RABL2A: variants seen among roughly 807,000 people sequenced by gnomAD.
RABL2A encodes rab-like protein 2A.
In RABL2A, 17 loss-of-function variants were observed where a neutral mutation model predicts 30.7. That is an observed-to-expected ratio of 0.55 (90% CI 0.38 to 0.83). RABL2A has a LOEUF of 0.83. Ranked by LOEUF, RABL2A falls within the 40% of genes least tolerant of loss-of-function variation. RABL2A has a pLI of 0.00. For synonymous variants in RABL2A, 64 were observed against 101.8 expected, an observed-to-expected ratio of 0.63 and a Z score of 2.24; for missense variants, 155 against 272.6, an observed-to-expected ratio of 0.57 and a Z score of 3.04.
At chr2:113,636,988 CA>C (rs1288796399) in intron 5 of RABL2A, among the ~76,000 whole-genome samples, 3 of 129,692 alleles carry the variant, frequency 2.3e-5, no homozygotes, top group East Asian at 2.6e-4. Context: ...GACTCTGTCT[CA>C]AAAAAAATAA....
At chr2:113,628,480 A>G in intron 1 of RABL2A, 74 bp from the exon 2 acceptor site, 5 of 1,526,670 alleles carry the variant, frequency 3.3e-6, no homozygotes, top group Non-Finnish European at 4.4e-6. Flanking sequence ...AGCAGTCTGG[A>G]TGGAGGTACA....
chr2:113,640,904 TA>T lies in RABL2A; in HGVS notation c.309del (p.Gln104ArgfsTer9). On this transcript the variant is annotated frameshift_variant, in exon 6 of 9. Transcript: ENST00000683472. LOFTEE classifies it high-confidence loss of function. ...CTCTGCCCTTTGCAGGTGTTTGATATACAGAGGAAAGTCACCTATAGGAACC... is the reference window on the plus strand; with the variant it reads ...CTCTGCCCTTTGCAGGTGTTTGATATCAGAGGAAAGTCACCTATAGGAACC... ...KAHACIMVFDIQRKVTYRNLS... is the reference protein window; with the variant it reads ...KAHACIMVFDXQRKVTYRNLS... 1 of 1,613,902 alleles carries T rather than the reference TA, an allele frequency of 6.2e-7. No individual in the cohort carries two copies. The highest frequency in any genetic ancestry group is 1.1e-5 in the South Asian group (1 of 91,070).
Position 113,642,156 on chromosome 2 carries a change from C to G in RABL2A, c.*27C>G, listed in dbSNP as rs372614558. 1.1e-5 allele frequency: 17 copies of G among 1,611,196 alleles called. No individual in the cohort carries two copies. Among genetic ancestry groups the G allele is most frequent in the Non-Finnish European group, 1.4e-5 (16 of 1,179,092 alleles). On this transcript the variant is annotated 3_prime_UTR_variant, in exon 9 of 9. Transcript: ENST00000683472. Reference sequence around the variant, plus strand: ...GGGCTGGGGCTAGGGGTGGGTGGAGCCCTTTTAAAATACCCTTCCCTTCAA... The same window carrying G: ...GGGCTGGGGCTAGGGGTGGGTGGAGGCCTTTTAAAATACCCTTCCCTTCAA...
intron 4 of RABL2A, among the ~76,000 whole-genome samples, 174 bp from the exon 5 acceptor site, chr2:113,634,877 C>T (rs1213921470): frequency 6.6e-6 from 1 of 152,210 alleles, no homozygotes; most frequent in East Asian, 1.9e-4. Context: ...ACATCACACT[C>T]AGGTGCACTG....
chr2:113,636,627 C>G (rs1366294640), intron 5 of RABL2A, among the ~76,000 whole-genome samples: 1 of 152,092 alleles, frequency 6.6e-6, no homozygotes, highest in Non-Finnish European at 1.5e-5. Flanking sequence ...CAGTGGGGAA[C>G]CAGAATCATA....
chr2:113,638,892 AAAAT>A (rs561112855), intron 5 of RABL2A, among the ~76,000 whole-genome samples: 64 of 151,614 alleles, frequency 4.2e-4, no homozygotes, highest in Admixed American at 2.0e-3. Context: ...ACTCCATCTC[AAAAT>A]AAATAAATAA....
In RABL2A at chr2:113,634,372, A is replaced by G. The variant is rs536450168; in HGVS notation, c.217+140A>G. 380 of 1,031,140 alleles carry G rather than the reference A, an allele frequency of 3.7e-4. 3 individuals are homozygous for G. In the African/African-American group the frequency reaches 5.5e-3, roughly 15 times the overall value. 63.9% of individuals were successfully genotyped at this position (1,031,140 alleles called of 1,614,324 possible). On this transcript the variant is annotated intron_variant, in intron 4 of 8. Transcript: ENST00000683472. ...GGCAGGGACAAGGGGTGCTAGAGAG[A>G]ACCCAGAGAGCCAGGAGCCAGGAGG... is the stretch of plus-strand genomic sequence containing the variant.
chr2:113,634,182 T>C lies in RABL2A; in HGVS notation c.167T>C (p.Leu56Pro), dbSNP rs867828808. 6.2e-7 allele frequency: 1 copy of C among 1,612,728 alleles called. No homozygotes were observed. The highest frequency in any genetic ancestry group is 1.7e-4 in the Middle Eastern group (1 of 6,056). ...CCACAGCAGCTGTCCACGTACGCCC[T>C]GACCCTGTACAAGCACACAGCCACG... ...FQPQQLSTYA[L>P]TLYKHTATVD... is the part of the protein sequence containing the mutation. The change falls in exon 4 of 9, where the codon CTG (leucine) becomes CCG (proline). Residue 56 changes from leucine (L) to proline (P), a missense_variant. Physicochemically the swap from Leu to Pro is moderately conservative, Grantham distance 98. Transcript: ENST00000683472.
intron 5 of RABL2A, chr2:113,637,852 C>T: frequency 7.9e-7 from 1 of 1,271,380 alleles, no homozygotes; most frequent in South Asian, 1.3e-5. Flanking sequence ...CCCCTCAGAC[C>T]CTCTTCTGAA....
rs906739192 is a variant in RABL2A at position 113,634,933 on chromosome 2, C to T, written c.218-118C>T. 4 of 962,972 alleles carry T rather than the reference C, an allele frequency of 4.2e-6. No homozygotes were observed. In the African/African-American group the frequency reaches 4.8e-5, roughly 12 times the overall value. The allele number at this position is 962,972 out of a possible 1,614,324, so 59.7% of individuals were successfully genotyped here. A position where few individuals can be genotyped will look rare whatever the true frequency, so the allele number is the denominator to read the frequency against. ...GGGGCTGTATAGTCTCTGTTTCTCC[C>T]TGTGCTCCCCATGTACACTCACACA... On this transcript the variant is annotated intron_variant, in intron 4 of 8. Coordinates refer to ENST00000683472, the MANE Select transcript of RABL2A (RefSeq NM_001306158.2).
intron 2 of RABL2A, among the ~76,000 whole-genome samples, chr2:113,629,888 TACA>T (rs1319056493): frequency 6.6e-6 from 1 of 152,034 alleles, no homozygotes; most frequent in African/African-American, 2.4e-5. Flanking sequence ...AGCACGCCTG[TACA>T]GTAAAAGTGA....
At position 113,632,902 on chromosome 2, in the gene RABL2A, G is replaced by A. The variant is rs777312109; in HGVS notation, c.108-13G>A. 6.2e-6 allele frequency: 10 copies of A among 1,614,188 alleles called. No individual in the cohort carries two copies. The highest frequency in any genetic ancestry group is 3.4e-6 in the Non-Finnish European group (4 of 1,180,030). On this transcript the variant is annotated splice_polypyrimidine_tract_variant and intron_variant, in intron 2 of 8. Coordinates refer to ENST00000683472, the MANE Select transcript of RABL2A (RefSeq NM_001306158.2). ...GAGACGCCATCTGACCACCTTGCCTGTTCTGCTTACAGACTCATGGAGAGA... is the reference window on the plus strand; with the variant it reads ...GAGACGCCATCTGACCACCTTGCCTATTCTGCTTACAGACTCATGGAGAGA...
At chr2:113,631,254 T>C (rs1340310181) in intron 2 of RABL2A, among the ~76,000 whole-genome samples, 1 of 152,162 alleles carries the variant, frequency 6.6e-6, no homozygotes, top group Non-Finnish European at 1.5e-5. Context: ...TGTGTTGTCT[T>C]TTTTCTTTGA....
Position 113,641,022 on chromosome 2 carries a change from A to C in RABL2A, c.409+17A>C. The C allele has an allele frequency of 6.2e-7, 1 of 1,610,438 alleles. No individual in the cohort carries two copies. Among genetic ancestry groups the C allele is most frequent in the Non-Finnish European group, 8.5e-7 (1 of 1,177,538 alleles). ...AAATTGATGGTGGGGCCATCCCTGC[A>C]CCTGGGTGTTAGCAATTCACTGGGG... On this transcript the variant is annotated intron_variant, in intron 6 of 8. Coordinates refer to ENST00000683472, the MANE Select transcript of RABL2A (RefSeq NM_001306158.2).
chr2:113,640,305 A>T (rs923692773), intron 5 of RABL2A: 1 of 153,612 alleles, frequency 6.5e-6, no homozygotes, highest in African/African-American at 2.4e-5. Flanking sequence ...CAATTGGCAA[A>T]TTGATTCCAT....
Position 113,642,714 on chromosome 2 carries a change from C to T in RABL2A, c.*585C>T, listed in dbSNP as rs1685614880. ...GGAGTGCAGTGGCGCAGTCTCGGCT[C>T]GCTGCAACCTCTGACTCCCTGGTTC... On this transcript the variant is annotated 3_prime_UTR_variant, in exon 9 of 9. Transcript: ENST00000683472. The T allele has an allele frequency of 5.2e-6, 1 of 191,516 alleles. No homozygotes were observed. Among genetic ancestry groups the T allele is most frequent in the Non-Finnish European group, 1.1e-5 (1 of 91,798 alleles). 11.9% of individuals were successfully genotyped at this position (191,516 alleles called of 1,614,324 possible).
rs2104426890 is a variant in RABL2A at position 113,627,351 on chromosome 2, G to A, written c.-103G>A. 7.1e-6 allele frequency: 1 copy of A among 140,554 alleles called. No individual in the cohort carries two copies. The highest frequency in any genetic ancestry group is 6.8e-5 in the Admixed American group (1 of 14,620). The allele number at this position is 140,554 out of a possible 1,614,324, so 8.7% of individuals were successfully genotyped here. On this transcript the variant is annotated 5_prime_UTR_variant, in exon 1 of 9. Transcript: ENST00000683472. ...TCCAGACTGGCGGCAGGGCCCGAGG[G>A]GCCGACCCGCAGCGTCCCTGGTCTC...
At chr2:113,634,904 G>A (rs1397510824) in intron 4 of RABL2A, 147 bp from the exon 5 acceptor site, 10 of 884,834 alleles carry the variant, frequency 1.1e-5, no homozygotes, top group African/African-American at 3.3e-5. Context: ...GAAGACACAC[G>A]TGTGGGGCTG....
At chr2:113,637,436 G>C (rs1427365337) in intron 5 of RABL2A, 10 of 1,096,882 alleles carry the variant, frequency 9.1e-6, no homozygotes, top group Non-Finnish European at 1.1e-5. Context: ...AGGATGCTGG[G>C]AATGCCCAGG....
Sources: gnomAD v4.1 joint callset for allele counts (sites outside exome capture counted in the v4.1 genomes callset) on GRCh38, gnomAD v4.1.1 for gene constraint, MANE v1.5 for transcripts, NCBI Gene and HGNC (gene_info 2026-07-23, HGNC 2026-07-21) for gene names.